Variants in ZNF658 observed in about 807,000 individuals in gnomAD.
ZNF658 encodes zinc finger protein 658.
In ZNF658, 46 loss-of-function variants were observed where a neutral mutation model predicts 78.0. The ratio of observed to expected loss-of-function variants is 0.59; its 90% CI spans 0.47 to 0.75. The LOEUF is 0.75. ZNF658 is among the 30% of genes least tolerant of loss of function. The pLI, the probability that ZNF658 is intolerant of heterozygous loss-of-function variation, is 0.00. For missense variants in ZNF658, 785 were observed against 1,189.3 expected (o/e 0.66, Z 5.00); for synonymous variants, 279 against 408.4 (o/e 0.68, Z 3.82).
intron 6 of ZNF658, among the ~76,000 whole-genome samples, chr9:66,931,831 A>T (rs953558372): frequency 1.4e-5 from 2 of 145,006 alleles, no homozygotes; most frequent in African/African-American, 5.1e-5. Flanking sequence ...TATCTGTGAC[A>T]TAGTCTATTG....
intron 4 of ZNF658, among the ~76,000 whole-genome samples, chr9:66,914,393 CTTT>C (rs1587362706): frequency 6.6e-6 from 1 of 151,936 alleles, no homozygotes; most frequent in East Asian, 1.9e-4. Flanking sequence ...GTTCAAGGAA[CTTT>C]TTTGATTTTA....
intron 4 of ZNF658, among the ~76,000 whole-genome samples, chr9:66,910,115 A>G (rs950367862): frequency 6.6e-6 from 1 of 152,098 alleles, no homozygotes; most frequent in African/African-American, 2.4e-5. Context: ...GCCTCCTTGA[A>G]GGCCTTGTCT....
intron 1 of ZNF658, chr9:66,903,151 A>G (rs1170118720): frequency 1.0e-5 from 2 of 194,988 alleles, no homozygotes; most frequent in Non-Finnish European, 2.1e-5. Flanking sequence ...ATTGTTAATA[A>G]ATCAACATAA....
intron 4 of ZNF658, 26 bp downstream of exon 4, chr9:66,908,760 C>T (rs370050114): frequency 1.7e-5 from 28 of 1,606,398 alleles, no homozygotes; most frequent in Non-Finnish European, 2.4e-5. Flanking sequence ...CAGAAGGAGC[C>T]CCCTGGGGGT....
intron 4 of ZNF658, among the ~76,000 whole-genome samples, chr9:66,910,179 C>A (rs1261730722): frequency 6.6e-6 from 1 of 152,128 alleles, no homozygotes; most frequent in African/African-American, 2.4e-5. Flanking sequence ...TTGGGAAGGA[C>A]ACAAATAAGT....
At position 66,917,916 on chromosome 9, in the gene ZNF658, A is replaced by G; in HGVS notation, c.350A>G (p.Lys117Arg). ...ADKTLSKEGQ[K>R]VLEKPFNLEI... Reference sequence around the variant, plus strand: ...AAAACATTGAGTAAAGAAGGACAGAAAGTTTTAGAAAAACCATTTAATCTG... The same window carrying G: ...AAAACATTGAGTAAAGAAGGACAGAGAGTTTTAGAAAAACCATTTAATCTG... Residue 117 changes from lysine (K) to arginine (R), a missense_variant, in exon 5 of 5, where the codon AAA (lysine) becomes AGA (arginine). Transcript: ENST00000621410. 6.8e-6 allele frequency: 11 copies of G among 1,610,402 alleles called. No individual in the cohort carries two copies. Among genetic ancestry groups the G allele is most frequent in the Non-Finnish European group, 9.3e-6 (11 of 1,179,494 alleles).
In ZNF658 at chr9:66,918,911, T is replaced by C. The variant is rs757362154; in HGVS notation, c.1345T>C (p.Phe449Leu). 19 of 1,562,532 alleles carry C rather than the reference T, an allele frequency of 1.2e-5. No individual in the cohort carries two copies. The highest frequency in any genetic ancestry group is 1.6e-5 in the Non-Finnish European group (19 of 1,152,532). ...TGAATGTAATGAATGTGGGAAAGCT[T>C]TCTGTCAGAATTCAAACCTCAGTAA... is the stretch of plus-strand genomic sequence containing the variant. ...LYECNECGKA[F>L]CQNSNLSKHL... The change falls in exon 5 of 5, where the codon TTC becomes CTC. Residue 449 changes from phenylalanine (F) to leucine (L), a missense_variant. This residue lies in a region of ZNF658 where 393 missense variants were observed against 400.2 expected (regional missense o/e 0.98). Transcript: ENST00000621410.
At position 66,908,281 on chromosome 9, in the gene ZNF658, AG is replaced by A; in HGVS notation, c.61del (p.Glu21SerfsTer16). On this transcript the variant is annotated frameshift_variant, in exon 3 of 5. Transcript: ENST00000621410. LOFTEE classifies it high-confidence loss of function. ...FQDVTVEFTR[E>X]EWQHLGPVER... ...GACGTGACTGTGGAATTCACCCGGG[AG>A]GAGTGGCAGCACCTGGGCCCTGTCG... 1 of 1,614,104 alleles carries A rather than the reference AG, an allele frequency of 6.2e-7. No individual in the cohort carries two copies. Among genetic ancestry groups the A allele is most frequent in the Non-Finnish European group, 8.5e-7 (1 of 1,180,000 alleles).
intron 4 of ZNF658, among the ~76,000 whole-genome samples, chr9:66,915,457 C>T (rs528651411): frequency 6.6e-6 from 1 of 150,518 alleles, no homozygotes; most frequent in Admixed American, 6.6e-5. Context: ...GAGCTAGCTA[C>T]TTCACTTTTC....
At chr9:66,910,147 G>T (rs1171405759) in intron 4 of ZNF658, among the ~76,000 whole-genome samples, 2 of 152,096 alleles carry the variant, frequency 1.3e-5, no homozygotes, top group South Asian at 2.1e-4. Context: ...TACACTGGGG[G>T]TTAGGGCTTC....
chr9:66,923,760 C>T (rs1025560049), downstream of ZNF658, among the ~76,000 whole-genome samples: 28 of 150,318 alleles, frequency 1.9e-4, no homozygotes, highest in East Asian at 5.9e-4. Flanking sequence ...AATTCTCTCC[C>T]GGATCAGGAA....
At chr9:66,929,168 C>A (rs1158189899) in intron 6 of ZNF658, among the ~76,000 whole-genome samples, 1 of 148,872 alleles carries the variant, frequency 6.7e-6, no homozygotes, top group Non-Finnish European at 1.5e-5. Flanking sequence ...CTCTTTTTAA[C>A]TTCTTGCACA....
At chr9:66,916,696 C>A in intron 4 of ZNF658, among the ~76,000 whole-genome samples, 1 of 135,982 alleles carries the variant, frequency 7.4e-6, no homozygotes. Context: ...CTGTCAGTGC[C>A]CTAAAACAAC....
intron 4 of ZNF658, among the ~76,000 whole-genome samples, chr9:66,915,080 CACACACACACACAT>C (rs1822303558): frequency 1.4e-5 from 2 of 145,544 alleles, no homozygotes; most frequent in Admixed American, 6.8e-5. Flanking sequence ...CACACACACA[CACACACACACACAT>C]ACACATATAT....
chr9:66,910,899 G>T (rs556320191), intron 4 of ZNF658, among the ~76,000 whole-genome samples: 7 of 151,230 alleles, frequency 4.6e-5, no homozygotes, highest in African/African-American at 1.7e-4. Context: ...ATTCAGGCAA[G>T]AAATTCATTA....
intron 4 of ZNF658, among the ~76,000 whole-genome samples, chr9:66,917,434 G>A (rs1292558489): frequency 3.1e-5 from 2 of 64,038 alleles, no homozygotes; most frequent in Non-Finnish European, 3.0e-5. Flanking sequence ...AACAGGGGCC[G>A]GGCACAGTGG....
intron 1 of ZNF658, among the ~76,000 whole-genome samples, chr9:66,901,570 C>T (rs1821953132): frequency 6.6e-6 from 1 of 151,674 alleles, no homozygotes. Context: ...TTGTACTGTT[C>T]CCGCTGTCTC....
intron 4 of ZNF658, 149 bp downstream of exon 4, chr9:66,908,883 A>G (rs1371293931): frequency 1.3e-5 from 8 of 608,478 alleles, no homozygotes; most frequent in Non-Finnish European, 1.5e-5. Context: ...CAGTGACTTC[A>G]AGCAACCACA....
At chr9:66,930,700 C>A (rs1365395522) in intron 6 of ZNF658, among the ~76,000 whole-genome samples, 1 of 152,056 alleles carries the variant, frequency 6.6e-6, no homozygotes, top group Non-Finnish European at 1.5e-5. Context: ...AATTTTCTCA[C>A]ATTTTTTCAA....
Sources: allele counts gnomAD v4.1 joint callset (sites outside exome capture counted in the v4.1 genomes callset), GRCh38; gene constraint gnomAD v4.1.1; regional missense constraint gnomAD v4.1.1; transcripts MANE v1.5; gene names NCBI Gene and HGNC (gene_info 2026-07-23, HGNC 2026-07-21).